The following FGD6 variants were observed in gnomAD, a reference collection of about 807,000 sequenced individuals.
FGD6 encodes the protein FYVE, RhoGEF and PH domain containing 6, also known as FYVE, RhoGEF and PH domain-containing protein 6.
A neutral mutation model predicts 149.4 loss-of-function variants in FGD6; 90 were observed. The ratio of observed to expected loss-of-function variants is 0.60; its 90% CI spans 0.51 to 0.72. FGD6 has a LOEUF of 0.72. FGD6 is among the 30% of genes least tolerant of loss of function. The pLI is 0.00. For synonymous variants in FGD6, 527 were observed against 584.0 expected (o/e 0.90, Z 1.41); for missense variants, 1,437 against 1,684.8 (o/e 0.85, Z 2.57).
rs917138410 is a variant in FGD6 at position 95,079,909 on chromosome 12, C to G, written c.*1611G>C. 6 of 151,406 alleles carry G rather than the reference C, an allele frequency of 4.0e-5. No individual in the cohort carries two copies. The highest frequency in any genetic ancestry group is 2.1e-4 in the South Asian group (1 of 4,782). The allele number at this position is 151,406 out of a possible 1,614,324, so 9.4% of individuals were successfully genotyped here. On this transcript the variant is annotated 3_prime_UTR_variant, in exon 21 of 21. Coordinates refer to ENST00000343958, the MANE Select transcript of FGD6 (RefSeq NM_018351.4). ...AGGCAGAAAGGAAAATTCTTGTACCCTTTAAAGAAATATTATATGGATAAC... is the reference window on the plus strand; with the variant it reads ...AGGCAGAAAGGAAAATTCTTGTACCGTTTAAAGAAATATTATATGGATAAC...
intron 2 of FGD6, among the ~76,000 whole-genome samples, chr12:95,188,366 T>G (rs1182827884): frequency 1.3e-5 from 2 of 149,516 alleles, no homozygotes; most frequent in African/African-American, 5.0e-5. Flanking sequence ...AATAAGCAGA[T>G]GGGCAAAGCA....
intron 7 of FGD6, among the ~76,000 whole-genome samples, chr12:95,136,235 G>GA (rs1218182291): frequency 7.2e-5 from 11 of 151,974 alleles, no homozygotes; most frequent in Admixed American, 2.6e-4. Flanking sequence ...GCACATGCCT[G>GA]AAATCCCAGC....
intron 5 of FGD6, among the ~76,000 whole-genome samples, chr12:95,151,155 T>A (rs1277992180): frequency 6.6e-6 from 1 of 151,856 alleles, no homozygotes; most frequent in African/African-American, 2.4e-5. Context: ...TAGCCAAAAA[T>A]CAATGTGAGA....
intron 2 of FGD6, among the ~76,000 whole-genome samples, chr12:95,186,687 T>C (rs1488957004): frequency 1.6e-4 from 25 of 152,214 alleles, no homozygotes; most frequent in Admixed American, 1.6e-3. Flanking sequence ...ACCTATGGCC[T>C]GCAAAGTCTA....
At chr12:95,173,597 G>A (rs1160535973) in intron 2 of FGD6, among the ~76,000 whole-genome samples, 8 of 152,134 alleles carry the variant, frequency 5.3e-5, no homozygotes. Flanking sequence ...GAATTCCATA[G>A]GAAAGTTCCC....
rs183038577 is a variant in FGD6, at chr12:95,145,318, G to A, written c.2686-3779C>T. Among the ~76,000 whole-genome samples, 241 of 152,184 alleles carry A rather than the reference G, an allele frequency of 1.6e-3. 1 individual carries two copies. The highest frequency in any genetic ancestry group is 5.6e-3 in the African/African-American group (233 of 41,530). On this transcript the variant is annotated intron_variant, in intron 5 of 20. Transcript: ENST00000343958. ...AATTACATATTCTAAGTAAGCACTCGGCAAAGATTCTGTACTGGTCAGGTT... is the reference window on the plus strand; with the variant it reads ...AATTACATATTCTAAGTAAGCACTCAGCAAAGATTCTGTACTGGTCAGGTT...
chr12:95,083,004 AAAAAAAAAAT>A (rs1203406397), intron 20 of FGD6, among the ~76,000 whole-genome samples: 1 of 49,410 alleles, frequency 2.0e-5, no homozygotes, highest in East Asian at 3.8e-4. Flanking sequence ...AAAAAAAAAA[AAAAAAAAAAT>A]ATATATATAT....
chr12:95,113,607 A>C, intron 9 of FGD6, 44 bp downstream of exon 9: 1 of 1,424,784 alleles, frequency 7.0e-7, no homozygotes, highest in South Asian at 1.2e-5. Flanking sequence ...CCCTACCTAA[A>C]TAAACATAAT....
At chr12:95,125,237 G>A (rs1879298897) in intron 8 of FGD6, among the ~76,000 whole-genome samples, 1 of 152,184 alleles carries the variant, frequency 6.6e-6, no homozygotes, top group Admixed American at 6.6e-5. Context: ...TAATAAAACA[G>A]GTGGATGAAA....
chr12:95,090,856 G>A (rs923883443), intron 17 of FGD6, among the ~76,000 whole-genome samples: 3 of 152,132 alleles, frequency 2.0e-5, no homozygotes, highest in Non-Finnish European at 4.4e-5. Context: ...CCAGCACTTT[G>A]GGAGGCTGAG....
At chr12:95,195,602 A>AG (rs1305047907) in intron 2 of FGD6, among the ~76,000 whole-genome samples, 1 of 149,286 alleles carries the variant, frequency 6.7e-6, no homozygotes, top group African/African-American at 2.5e-5. Flanking sequence ...TTAATTTGAG[A>AG]GGAAAAAAAA....
At chr12:95,118,363 GAA>G (rs1491409152) in intron 8 of FGD6, among the ~76,000 whole-genome samples, 23 of 94,872 alleles carry the variant, frequency 2.4e-4, no homozygotes, top group African/African-American at 6.2e-4. Flanking sequence ...AAAAAAAAAA[GAA>G]AGAGAGAGAG....
chr12:95,081,641 T>C, intron 20 of FGD6, 85 bp from the exon 21 acceptor site: 1 of 770,444 alleles, frequency 1.3e-6, no homozygotes, highest in Admixed American at 2.3e-5. Flanking sequence ...GGGCCTGTGG[T>C]CCTCATTACC....
intron 3 of FGD6, among the ~76,000 whole-genome samples, chr12:95,164,910 G>C (rs558431526): frequency 6.6e-6 from 1 of 151,916 alleles, no homozygotes; most frequent in Non-Finnish European, 1.5e-5. Context: ...TTAGGTTTTC[G>C]CCCTTTCTTT....
At chr12:95,158,150 A>G (rs1368459311) in intron 3 of FGD6, among the ~76,000 whole-genome samples, 2 of 138,894 alleles carry the variant, frequency 1.4e-5, no homozygotes, top group Non-Finnish European at 3.0e-5. Flanking sequence ...GTGCCTGGCC[A>G]TACATTCACT....
At chr12:95,155,363 C>T (rs541712745) in intron 3 of FGD6, among the ~76,000 whole-genome samples, 1 of 152,212 alleles carries the variant, frequency 6.6e-6, no homozygotes, top group East Asian at 1.9e-4. Context: ...CCCATCTCTA[C>T]TAAAAATACA....
At chr12:95,161,939 T>TGTA (rs1167645990) in intron 3 of FGD6, among the ~76,000 whole-genome samples, 1 of 152,042 alleles carries the variant, frequency 6.6e-6, no homozygotes, top group East Asian at 1.9e-4. Flanking sequence ...ATTCTGATTG[T>TGTA]GTAGGTCTAA....
At chr12:95,098,262 A>G (rs1878307219) in intron 14 of FGD6, among the ~76,000 whole-genome samples, 2 of 152,116 alleles carry the variant, frequency 1.3e-5, no homozygotes, top group African/African-American at 4.8e-5. Flanking sequence ...TATATGCTGG[A>G]GTCTCCTCTG....
intron 14 of FGD6, among the ~76,000 whole-genome samples, chr12:95,096,666 T>C (rs991343900): frequency 3.0e-4 from 46 of 152,180 alleles, no homozygotes; most frequent in African/African-American, 1.1e-3. Flanking sequence ...TGCCCCCAAC[T>C]ACAACATCAT....
Sources: allele counts gnomAD v4.1 joint callset (sites outside exome capture counted in the v4.1 genomes callset), GRCh38; gene constraint gnomAD v4.1.1; transcripts MANE v1.5; gene names NCBI Gene and HGNC (gene_info 2026-07-23, HGNC 2026-07-21).